Variants in KCTD3 observed in about 807,000 individuals in gnomAD.
The protein encoded by KCTD3 is BTB/POZ domain-containing protein KCTD3.
In KCTD3, 41 loss-of-function variants were observed where a neutral mutation model predicts 85.8. The observed-to-expected ratio is 0.48, with a 90% CI of 0.37 to 0.62. The LOEUF is 0.62. KCTD3 is among the 20% of genes least tolerant of loss of function. KCTD3 has a pLI of 0.00. For missense variants in KCTD3, 724 were observed against 989.9 expected, an observed-to-expected ratio of 0.73 and a Z score of 3.60; for synonymous variants, 338 against 345.4, an observed-to-expected ratio of 0.98 and a Z score of 0.24.
In KCTD3 at chr1:215,604,319, A is replaced by G. The variant is rs368372353; in HGVS notation, c.1309+17A>G. ...TTGTATCAGGTAAAATGATTTCATT[A>G]TACTGGTAAGGAACTTGGCTCTGTG... On this transcript the variant is annotated intron_variant, in intron 13 of 17. Transcript: ENST00000259154. 4 of 1,592,804 alleles carry G rather than the reference A, an allele frequency of 2.5e-6. No homozygotes were observed. In the African/African-American group the frequency reaches 4.0e-5, roughly 16 times the overall value.
intron 14 of KCTD3, among the ~76,000 whole-genome samples, chr1:215,610,987 G>A (rs1488176519): frequency 6.6e-6 from 1 of 151,722 alleles, no homozygotes; most frequent in Non-Finnish European, 1.5e-5. Context: ...AATTTTTATT[G>A]TAAATCTTTT....
chr1:215,602,540 T>A (rs192534722), intron 12 of KCTD3, among the ~76,000 whole-genome samples: 23 of 152,140 alleles, frequency 1.5e-4, no homozygotes, highest in African/African-American at 5.3e-4. Context: ...ACTTAAAAAT[T>A]AGGAGCTTTT....
At chr1:215,581,217 A>G (rs777905897) in intron 8 of KCTD3, 17 of 169,918 alleles carry the variant, frequency 1.0e-4, no homozygotes, top group Non-Finnish European at 9.0e-5. Flanking sequence ...TTGTACTCCA[A>G]CCTGCGCAAC....
At chr1:215,608,994 G>A (rs947064102) in intron 14 of KCTD3, among the ~76,000 whole-genome samples, 9 of 151,956 alleles carry the variant, frequency 5.9e-5, no homozygotes, top group African/African-American at 2.2e-4. Context: ...TTTAAAAAGT[G>A]CGGTGAACAT....
intron 17 of KCTD3, 107 bp downstream of exon 17, chr1:215,619,398 A>G: frequency 2.1e-6 from 2 of 948,002 alleles, no homozygotes; most frequent in South Asian, 3.8e-5. Context: ...TTCTCAAGGT[A>G]CATTTTAAAT....
chr1:215,618,872 C>CT lies in KCTD3; in HGVS notation c.1563-10dup, dbSNP rs745988824. Reference sequence around the variant, plus strand: ...CTCATTCCCATCAGGGCTCTTTCTGCTTTTCTTTTGCAGAATATGTGAGAT... The same window carrying CT: ...CTCATTCCCATCAGGGCTCTTTCTGCTTTTTCTTTTGCAGAATATGTGAGAT... On this transcript the variant is annotated splice_polypyrimidine_tract_variant and intron_variant, in intron 15 of 17. Coordinates refer to ENST00000259154, the MANE Select transcript of KCTD3 (RefSeq NM_016121.5). 1.7e-5 allele frequency: 26 copies of CT among 1,563,524 alleles called. No homozygotes were observed. In the African/African-American group the frequency reaches 3.2e-4, roughly 19 times the overall value.
Position 215,577,993 on chromosome 1 carries a change from GT to G in KCTD3, c.317-3del. 1 of 1,608,366 alleles carries G rather than the reference GT, an allele frequency of 6.2e-7. No homozygotes were observed. Among genetic ancestry groups the G allele is most frequent in the Non-Finnish European group, 8.5e-7 (1 of 1,176,652 alleles). ...ACTCTTGACAAGTTTGCTTTGAAAT[GT>G]TTTTAGTAAGAAGGCTTCTCTTATG... On this transcript the variant is annotated splice_region_variant and splice_polypyrimidine_tract_variant and intron_variant, in intron 5 of 17. Transcript: ENST00000259154.
intron 10 of KCTD3, among the ~76,000 whole-genome samples, chr1:215,599,528 C>A (rs539608791): frequency 6.6e-6 from 1 of 151,922 alleles, no homozygotes; most frequent in Admixed American, 6.6e-5. Flanking sequence ...GAGAAAAATC[C>A]ACTTCCATTT....
At chr1:215,591,371 C>G (rs893860190) in intron 9 of KCTD3, among the ~76,000 whole-genome samples, 1 of 147,754 alleles carries the variant, frequency 6.8e-6, no homozygotes, top group African/African-American at 2.5e-5. Context: ...TCTTCTCTTT[C>G]TTTCTTAGAC....
chr1:215,586,370 G>T (rs913446060), intron 8 of KCTD3, 125 bp from the exon 9 acceptor site: 11 of 739,098 alleles, frequency 1.5e-5, no homozygotes, highest in East Asian at 2.6e-5. Flanking sequence ...TAGGAAGGTG[G>T]ATGGGTAACT....
chr1:215,602,232 G>C (rs1326534770), intron 12 of KCTD3, 31 bp downstream of exon 12: 1 of 1,092,096 alleles, frequency 9.2e-7, no homozygotes, highest in South Asian at 1.4e-5. Flanking sequence ...ATACATTCTT[G>C]ACTTTTTATC....
intron 5 of KCTD3, 71 bp from the exon 6 acceptor site, chr1:215,577,930 G>T (rs950192147): frequency 9.6e-6 from 15 of 1,568,666 alleles, no homozygotes; most frequent in Non-Finnish European, 1.3e-5. Context: ...TTGAACTAGA[G>T]AAAATAAAAA....
chr1:215,604,405 A>T, intron 13 of KCTD3, 103 bp downstream of exon 13: 1 of 870,282 alleles, frequency 1.1e-6, no homozygotes, highest in Non-Finnish European at 1.8e-6. Flanking sequence ...TACTAAAAGA[A>T]GTACTAGAAA....
Position 215,567,676 on chromosome 1 carries a change from G to T in KCTD3, c.-10G>T. On this transcript the variant is annotated 5_prime_UTR_variant, in exon 1 of 18. Coordinates refer to ENST00000259154, the MANE Select transcript of KCTD3 (RefSeq NM_016121.5). The stretch of plus-strand genomic sequence containing the variant: ...AAGGAGGGCGGCGAGCGCGTCCGGA[G>T]CCGCCGGAGATGGCGGGAGGGCACT... The T allele has an allele frequency of 8.1e-7, 1 of 1,236,242 alleles. No homozygotes were observed. The allele number at this position is 1,236,242 out of a possible 1,614,324, so 76.6% of individuals were successfully genotyped here. A position where few individuals can be genotyped will look rare whatever the true frequency, so the allele number is the denominator to read the frequency against.
chr1:215,567,995 C>T (rs1420164770), intron 1 of KCTD3, among the ~76,000 whole-genome samples: 1 of 152,204 alleles, frequency 6.6e-6, no homozygotes, highest in Non-Finnish European at 1.5e-5. Context: ...TACCGAGGAC[C>T]AGGCCCATGT....
At position 215,567,439 on chromosome 1, in the gene KCTD3, C is replaced by G. The variant is rs1322209312; in HGVS notation, c.-247C>G. On this transcript the variant is annotated 5_prime_UTR_variant, in exon 1 of 18. Transcript: ENST00000259154. The stretch of plus-strand genomic sequence containing the variant: ...GAAGAGGCCCGGGCGGCCCGGCGGC[C>G]TGGAGGCCGCGAAAGGTGGAGGCCG... The G allele has an allele frequency of 8.3e-6, 2 of 240,154 alleles. No individual in the cohort carries two copies. Among genetic ancestry groups the G allele is most frequent in the African/African-American group, 4.5e-5 (2 of 43,996 alleles). 14.9% of individuals were successfully genotyped at this position (240,154 alleles called of 1,614,324 possible).
chr1:215,602,113 A>G lies in KCTD3; in HGVS notation c.1050A>G (p.Lys350=). ...IDMQKFPLRM[K]DNDLLVTELY... ...TGCAGAAGTTCCCCTTGCGAATGAA[A>G]GATAATGATCTTCTTGTAACTGAAC... The change falls in exon 12 of 18, where the codon AAA becomes AAG. Residue 350 remains lysine (K), a synonymous_variant. Coordinates refer to ENST00000259154, the MANE Select transcript of KCTD3 (RefSeq NM_016121.5). 1 of 1,608,192 alleles carries G rather than the reference A, an allele frequency of 6.2e-7. No homozygotes were observed. Among genetic ancestry groups the G allele is most frequent in the East Asian group, 2.2e-5 (1 of 44,706 alleles).
At chr1:215,589,943 GTAAA>G (rs1660149452) in intron 9 of KCTD3, among the ~76,000 whole-genome samples, 1 of 152,116 alleles carries the variant, frequency 6.6e-6, no homozygotes. Flanking sequence ...CTTTCTTAAG[GTAAA>G]TATATAGGAG....
chr1:215,603,929 G>T (rs1369044344), intron 12 of KCTD3, among the ~76,000 whole-genome samples: 2 of 152,118 alleles, frequency 1.3e-5, no homozygotes, highest in African/African-American at 4.8e-5. Flanking sequence ...TGGAGTGAGG[G>T]TTAGGAAAAG....
Sources: gnomAD v4.1 joint callset for allele counts (sites outside exome capture counted in the v4.1 genomes callset) on GRCh38, gnomAD v4.1.1 for gene constraint, MANE v1.5 for transcripts, NCBI Gene and HGNC (gene_info 2026-07-23, HGNC 2026-07-21) for gene names.